Variants in NUP214 observed in about 807,000 individuals in gnomAD.
NUP214 encodes the protein nuclear pore complex protein Nup214.
NUP214 carries 79 observed loss-of-function variants against 196.2 expected under a neutral mutation model. The observed-to-expected ratio is 0.40, with a 90% CI of 0.34 to 0.49. The LOEUF is 0.49. NUP214 is among the 20% of genes least tolerant of loss of function. The probability of loss-of-function intolerance (pLI) is 0.58; values close to 1 mark genes in which losing one functional copy is unlikely to be tolerated. For synonymous variants in NUP214, 1,020 were observed against 990.5 expected (o/e 1.03, Z -0.56); for missense variants, 2,468 against 2,539.0 (o/e 0.97, Z 0.60).
At chr9:131,226,265 G>GT (rs557290169) in intron 32 of NUP214, among the ~76,000 whole-genome samples, 1 of 152,164 alleles carries the variant, frequency 6.6e-6, no homozygotes, top group African/African-American at 2.4e-5. Context: ...TAGAAAATTT[G>GT]TTTCTTCTGG....
Position 131,198,658 on chromosome 9 carries a change from G to A in NUP214, c.5164G>A (p.Gly1722Arg). Reference sequence around the variant, plus strand: ...TGGTACCACAGCCCCAGGGGTCTTTGGACAGACAACCTTCGGGCAGGCCTC... The same window carrying A: ...TGGTACCACAGCCCCAGGGGTCTTTAGACAGACAACCTTCGGGCAGGCCTC... ...AFGTTAPGVF[G>R]QTTFGQASVF... is the part of the protein sequence containing the mutation. The change falls in exon 29 of 36, where the codon GGA becomes AGA. Residue 1722 changes from glycine to arginine, a missense_variant. By Grantham distance (125) the Gly-to-Arg change is moderately radical. Coordinates refer to ENST00000359428, the MANE Select transcript of NUP214 (RefSeq NM_005085.4). 1 of 1,614,212 alleles carries A rather than the reference G, an allele frequency of 6.2e-7. No homozygotes were observed. Among genetic ancestry groups the A allele is most frequent in the Non-Finnish European group, 8.5e-7 (1 of 1,180,028 alleles).
intron 17 of NUP214, among the ~76,000 whole-genome samples, chr9:131,158,801 C>T (rs1338736545): frequency 6.6e-6 from 1 of 152,186 alleles, no homozygotes; most frequent in East Asian, 1.9e-4. Flanking sequence ...ATTCTGTTTC[C>T]CTTTTCATTG....
At chr9:131,136,115 A>G (rs1831719252) in intron 9 of NUP214, 109 bp downstream of exon 9, 11 of 847,408 alleles carry the variant, frequency 1.3e-5, no homozygotes, top group Non-Finnish European at 1.8e-5. Context: ...ATTTCAGCTT[A>G]CTGCAACCTC....
At chr9:131,231,777 T>C (rs1199110605) in intron 34 of NUP214, among the ~76,000 whole-genome samples, 2 of 152,090 alleles carry the variant, frequency 1.3e-5, no homozygotes, top group Non-Finnish European at 2.9e-5. Context: ...ATTACAATTG[T>C]ACCCGTGAAG....
chr9:131,140,576 C>T lies in NUP214; in HGVS notation c.1160C>T (p.Pro387Leu). The change falls in exon 11 of 36, where the codon CCA (proline) becomes CTA (leucine). Residue 387 changes from proline to leucine, a missense_variant. Around this residue, in one of 5 missense-constraint regions of NUP214, gnomAD observed 1,801 missense variants for 1,779.4 expected, o/e 1.01. Coordinates refer to ENST00000359428, the MANE Select transcript of NUP214 (RefSeq NM_005085.4). ...ISDEKTLPPAPVLMLLSTDGV... is the reference protein window; with the variant it reads ...ISDEKTLPPALVLMLLSTDGV... ...GATGAAAAGACTCTTCCTCCTGCTCCAGTTCTCATGTTACTTTCAACAGAT... is the reference window on the plus strand; with the variant it reads ...GATGAAAAGACTCTTCCTCCTGCTCTAGTTCTCATGTTACTTTCAACAGAT... 1.2e-6 allele frequency: 2 copies of T among 1,612,724 alleles called. No individual in the cohort carries two copies. Among genetic ancestry groups the T allele is most frequent in the Non-Finnish European group, 1.7e-6 (2 of 1,179,508 alleles).
chr9:131,211,339 AG>A, intron 30 of NUP214, among the ~76,000 whole-genome samples: 1 of 152,364 alleles, frequency 6.6e-6, no homozygotes, highest in Admixed American at 6.5e-5. Flanking sequence ...TTCTTGAATT[AG>A]GACCAAATAA....
In NUP214 at chr9:131,129,425, G is replaced by A. The variant is rs114013425; in HGVS notation, c.540G>A (p.Thr180=). The part of the protein sequence containing the change: ...ADGSIAVLQV[T]ETVKVCATLP... ...GTAGTATTGCTGTCCTGCAAGTCAC[G>A]GAAACAGTGAAAGTATGTGCAACTC... The change falls in exon 4 of 36, where the codon ACG becomes ACA. Residue 180 remains threonine, a synonymous_variant. Transcript: ENST00000359428. 4.6e-5 allele frequency: 75 copies of A among 1,614,128 alleles called. No homozygotes were observed. The African/African-American group carries it at 8.9e-4, about 19-fold the overall frequency.
chr9:131,139,492 A>C (rs185857075), intron 10 of NUP214, 85 bp downstream of exon 10: 3 of 1,558,974 alleles, frequency 1.9e-6, no homozygotes, highest in Non-Finnish European at 1.7e-6. Context: ...TGTTACTGAC[A>C]GAGTCTACTC....
intron 17 of NUP214, among the ~76,000 whole-genome samples, chr9:131,155,337 G>C (rs546881834): frequency 6.6e-6 from 1 of 152,102 alleles, no homozygotes; most frequent in Non-Finnish European, 1.5e-5. Flanking sequence ...TGATGGGATT[G>C]TTTGTTTTGT....
intron 21 of NUP214, 99 bp from the exon 22 acceptor site, chr9:131,173,956 C>A: frequency 1.5e-6 from 2 of 1,364,778 alleles, no homozygotes; most frequent in Non-Finnish European, 2.0e-6. Context: ...AATCATTTTA[C>A]AAGTTGAGTA....
intron 33 of NUP214, chr9:131,229,501 T>C (rs1240272496): frequency 2.9e-6 from 1 of 341,608 alleles, no homozygotes; most frequent in Admixed American, 4.2e-5. Flanking sequence ...TGTGAATTGA[T>C]TTATTTATTT....
Position 131,129,533 on chromosome 9 carries a change from A to C in NUP214, c.592+56A>C, listed in dbSNP as rs112969020. On this transcript the variant is annotated intron_variant, in intron 4 of 35. Coordinates refer to ENST00000359428, the MANE Select transcript of NUP214 (RefSeq NM_005085.4). ...TACAATCATGGTCATCTACTTAAGA[A>C]TTGATTTCTAGAAGTGAAAGTGGAT... The C allele has an allele frequency of 2.4e-5, 37 of 1,525,730 alleles. No individual in the cohort carries two copies. In the African/African-American group the frequency reaches 3.2e-4, roughly 13 times the overall value. The allele number at this position is 1,525,730 out of a possible 1,614,324, so 94.5% of individuals were successfully genotyped here.
chr9:131,195,368 T>A (rs1833744783), intron 28 of NUP214, 74 bp downstream of exon 28: 1 of 1,205,630 alleles, frequency 8.3e-7, no homozygotes. Flanking sequence ...TGCCCACATG[T>A]TAGTATTTGA....
intron 17 of NUP214, 46 bp downstream of exon 17, chr9:131,151,940 C>T (rs756870087): frequency 6.8e-7 from 1 of 1,475,146 alleles, no homozygotes; most frequent in Non-Finnish European, 9.1e-7. Flanking sequence ...AAAACAAGCT[C>T]ATGTAACAAT....
chr9:131,215,171 CCT>C (rs1211731142), intron 30 of NUP214, 39 bp from the exon 31 acceptor site: 1 of 1,456,410 alleles, frequency 6.9e-7, no homozygotes, highest in African/African-American at 1.5e-5. Context: ...TTCACGATGA[CCT>C]CTCATCCTAT....
intron 31 of NUP214, among the ~76,000 whole-genome samples, chr9:131,215,807 C>T (rs1834376797): frequency 6.6e-6 from 1 of 152,100 alleles, no homozygotes; most frequent in Non-Finnish European, 1.5e-5. Flanking sequence ...GAGATGTCAC[C>T]CAAAAGTTGA....
At chr9:131,195,323 T>G (rs1168324770) in intron 28 of NUP214, 29 bp downstream of exon 28, 1 of 1,566,114 alleles carries the variant, frequency 6.4e-7, no homozygotes, top group Admixed American at 1.7e-5. Flanking sequence ...GTAGCATTAC[T>G]CATGTGTTTT....
chr9:131,142,946 G>A (rs1184365772), intron 11 of NUP214, among the ~76,000 whole-genome samples: 4 of 152,088 alleles, frequency 2.6e-5, no homozygotes, highest in Non-Finnish European at 2.9e-5. Flanking sequence ...TTCTTATTTA[G>A]TTGGTTATTT....
chr9:131,203,068 C>T (rs1194490960), intron 30 of NUP214, among the ~76,000 whole-genome samples: 1 of 151,926 alleles, frequency 6.6e-6, no homozygotes, highest in Non-Finnish European at 1.5e-5. Context: ...GCCTCAGCCT[C>T]CCGAGTAGCT....
Sources: allele counts gnomAD v4.1 joint callset (sites outside exome capture counted in the v4.1 genomes callset), GRCh38; gene constraint gnomAD v4.1.1; regional missense constraint gnomAD v4.1.1; transcripts MANE v1.5; gene names NCBI Gene and HGNC (gene_info 2026-07-23, HGNC 2026-07-21).